Variants in MAGI1 observed in about 807,000 individuals in gnomAD.
MAGI1 encodes membrane associated guanylate kinase, WW and PDZ domain containing 1, also known as membrane-associated guanylate kinase, WW and PDZ domain-containing protein 1.
MAGI1 carries 58 observed loss-of-function variants against 139.9 expected under a neutral mutation model. The observed-to-expected ratio is 0.41, with a 90% CI of 0.34 to 0.52. The LOEUF is 0.52. Among genes scored for constraint, MAGI1 ranks in the 20% least tolerant of loss-of-function variants. The pLI is 0.12. For missense variants in MAGI1, 1,874 were observed against 1,901.6 expected (o/e 0.99, Z 0.27); for synonymous variants, 812 against 737.9 (o/e 1.10, Z -1.63).
At chr3:65,740,006 A>C (rs2035118814) in intron 1 of MAGI1, among the ~76,000 whole-genome samples, 1 of 152,240 alleles carries the variant, frequency 6.6e-6, no homozygotes, top group South Asian at 2.1e-4. Flanking sequence ...TGTAAAAAAA[A>C]AAATGCAGTA....
At chr3:65,937,006 T>TGATGGTGGTGG (rs2063096711) in intron 1 of MAGI1, among the ~76,000 whole-genome samples, 1 of 151,850 alleles carries the variant, frequency 6.6e-6, no homozygotes, top group African/African-American at 2.4e-5. Context: ...GTGGTGGTGG[T>TGATGGTGGTGG]TGTTTTAATC....
At chr3:65,611,277 ATAG>A (rs2083086959) in intron 2 of MAGI1, among the ~76,000 whole-genome samples, 1 of 142,460 alleles carries the variant, frequency 7.0e-6, no homozygotes, top group Admixed American at 7.3e-5. Context: ...TATACTATAA[ATAG>A]TATAGTATAC....
Position 65,978,903 on chromosome 3 carries a change from A to C in MAGI1, c.313+59093T>G, listed in dbSNP as rs2065405052. On this transcript the variant is annotated intron_variant, in intron 1 of 22. Coordinates refer to ENST00000402939, the MANE Select transcript of MAGI1 (RefSeq NM_001033057.2). ...CAGCCTACCAAAGTGCTGGGATTAC[A>C]GGTGTGAGCCACCACGCCTGGCTCA... Among the ~76,000 whole-genome samples the C allele has an allele frequency of 2.0e-5, 3 of 152,110 alleles. 1 individual carries two copies. The South Asian group carries it at 6.2e-4, about 31-fold the overall frequency.
At chr3:65,871,317 G>A (rs2108488906) in intron 1 of MAGI1, among the ~76,000 whole-genome samples, 1 of 152,286 alleles carries the variant, frequency 6.6e-6, no homozygotes, top group South Asian at 2.1e-4. Context: ...GTGAGGGAGA[G>A]TTGAAACTGG....
chr3:65,461,555 C>T (rs1949798505), intron 5 of MAGI1, among the ~76,000 whole-genome samples: 1 of 142,900 alleles, frequency 7.0e-6, no homozygotes, highest in African/African-American at 2.6e-5. Flanking sequence ...GTGGCGTGAT[C>T]TTGGCTCACT....
intron 2 of MAGI1, among the ~76,000 whole-genome samples, chr3:65,590,883 CAA>C (rs2106740046): frequency 6.6e-6 from 1 of 152,208 alleles, no homozygotes; most frequent in African/African-American, 2.4e-5. Flanking sequence ...CTTTAAGAAA[CAA>C]GAGAATGAAC....
chr3:65,391,084 A>T lies in MAGI1; in HGVS notation c.2416+58T>A, dbSNP rs955233841. On this transcript the variant is annotated intron_variant, in intron 14 of 22. Transcript: ENST00000402939. ...TCATCTATTTTCAATAACCTTCAAG[A>T]GAAAGGTAGAGCCCTGCGGAGGGGT... The T allele has an allele frequency of 1.7e-5, 24 of 1,412,792 alleles. 1 individual carries two copies. In the East Asian group the frequency reaches 5.5e-4, roughly 32 times the overall value. 87.5% of individuals were successfully genotyped at this position (1,412,792 alleles called of 1,614,324 possible). A position where few individuals can be genotyped will look rare whatever the true frequency, so the allele number is the denominator to read the frequency against.
chr3:65,882,734 A>G (rs906084617), intron 1 of MAGI1, among the ~76,000 whole-genome samples: 1 of 152,126 alleles, frequency 6.6e-6, no homozygotes, highest in African/African-American at 2.4e-5. Flanking sequence ...GGTGATCAAG[A>G]TCAGCCTGGG....
intron 1 of MAGI1, among the ~76,000 whole-genome samples, chr3:65,991,310 A>AG (rs1339674375): frequency 1.3e-5 from 2 of 150,454 alleles, no homozygotes; most frequent in African/African-American, 4.9e-5. Flanking sequence ...AAAAAGGTAA[A>AG]AAAAAAAAAA....
chr3:66,037,873 C>A, intron 1 of MAGI1, 123 bp downstream of exon 1: 1 of 1,464,970 alleles, frequency 6.8e-7, no homozygotes, highest in Non-Finnish European at 9.1e-7. Context: ...CACCACAGGG[C>A]GCACGGCCTC....
intron 5 of MAGI1, among the ~76,000 whole-genome samples, chr3:65,467,919 C>T (rs1161828274): frequency 1.3e-5 from 2 of 152,142 alleles, no homozygotes; most frequent in African/African-American, 2.4e-5. Flanking sequence ...AATGTTTAAA[C>T]TCCTCAGAAT....
In MAGI1 at chr3:65,881,086, A is replaced by T. The variant is rs1249381121; in HGVS notation, c.313+156910T>A. 2.6e-5 allele frequency among the ~76,000 whole-genome samples: 4 copies of T among 151,898 alleles called. No homozygotes were observed. In the South Asian group the frequency reaches 6.2e-4, roughly 24 times the overall value. ...TTTTTTGTAGATACAGGGTTTCTCCATGTTGCCTAGGCTGGTCTTGAACTC... is the reference window on the plus strand; with the variant it reads ...TTTTTTGTAGATACAGGGTTTCTCCTTGTTGCCTAGGCTGGTCTTGAACTC... On this transcript the variant is annotated intron_variant, in intron 1 of 22. Coordinates refer to ENST00000402939, the MANE Select transcript of MAGI1 (RefSeq NM_001033057.2).
chr3:65,723,758 T>C (rs1454448172), intron 1 of MAGI1, among the ~76,000 whole-genome samples: 1 of 152,204 alleles, frequency 6.6e-6, no homozygotes, highest in East Asian at 1.9e-4. Flanking sequence ...TTTTGACATG[T>C]AAAAATGCAC....
chr3:66,014,541 T>C (rs1246962888), intron 1 of MAGI1, among the ~76,000 whole-genome samples: 1 of 152,210 alleles, frequency 6.6e-6, no homozygotes, highest in Non-Finnish European at 1.5e-5. Context: ...CAACTTGAAA[T>C]TTTTGTCTTT....
chr3:65,710,843 T>C (rs1408031250), intron 1 of MAGI1, among the ~76,000 whole-genome samples: 3 of 151,998 alleles, frequency 2.0e-5, no homozygotes, highest in Non-Finnish European at 4.4e-5. Context: ...CCGTTTTAAA[T>C]ATATGCTTTC....
chr3:65,859,427 T>C (rs542814366), intron 1 of MAGI1, among the ~76,000 whole-genome samples: 1 of 147,588 alleles, frequency 6.8e-6, no homozygotes, highest in African/African-American at 2.5e-5. Flanking sequence ...CATAAGCAAC[T>C]TAAAACTTTA....
intron 1 of MAGI1, among the ~76,000 whole-genome samples, chr3:65,997,585 G>A (rs1312023721): frequency 1.3e-5 from 2 of 152,154 alleles, no homozygotes; most frequent in Non-Finnish European, 2.9e-5. Flanking sequence ...GAACCTGGGA[G>A]GCGGAGGTTG....
chr3:65,649,260 T>C (rs554436220), intron 1 of MAGI1, among the ~76,000 whole-genome samples: 1 of 152,180 alleles, frequency 6.6e-6, no homozygotes, highest in East Asian at 1.9e-4. Context: ...TGTGCACCTG[T>C]AGTTCCTGCT....
At chr3:65,470,148 T>C in intron 5 of MAGI1, 135 bp downstream of exon 5, 2 of 614,846 alleles carry the variant, frequency 3.3e-6, no homozygotes, top group Non-Finnish European at 5.6e-6. Context: ...GCAAAACTTA[T>C]TAAACCTTAT....
Sources: gnomAD v4.1 joint callset for allele counts (sites outside exome capture counted in the v4.1 genomes callset) on GRCh38, gnomAD v4.1.1 for gene constraint, MANE v1.5 for transcripts, NCBI Gene and HGNC (gene_info 2026-07-23, HGNC 2026-07-21) for gene names.